MLXIPL: variants seen among roughly 807,000 people sequenced by gnomAD.
MLXIPL encodes the protein carbohydrate-responsive element-binding protein.
Under a neutral mutation model 81.5 loss-of-function variants are expected in MLXIPL, and 49 were observed. That is an observed-to-expected ratio of 0.60 (90% CI 0.48 to 0.76). The LOEUF is 0.76. Among genes scored for constraint, MLXIPL ranks in the 30% least tolerant of loss-of-function variants. The probability of loss-of-function intolerance (pLI) is 0.00; values close to 1 mark genes in which losing one functional copy is unlikely to be tolerated. For missense variants in MLXIPL, 1,053 were observed against 1,167.0 expected, an observed-to-expected ratio of 0.90 and a Z score of 1.42; for synonymous variants, 466 against 485.5, an observed-to-expected ratio of 0.96 and a Z score of 0.53.
the MLXIPL span, among the ~76,000 whole-genome samples, chr7:73,630,219 G>C: frequency 6.7e-6 from 1 of 149,962 alleles, no homozygotes; most frequent in African/African-American, 2.5e-5. Context: ...GGAAGGTCTC[G>C]ATCTCTTGAC....
upstream of MLXIPL, among the ~76,000 whole-genome samples, chr7:73,629,119 T>C (rs1554604147): frequency 1.3e-5 from 2 of 151,850 alleles, no homozygotes; most frequent in Non-Finnish European, 2.9e-5. Context: ...CTCAGCTCAC[T>C]GCAACCTCCA....
chr7:73,625,474 T>G (rs1796686821), upstream of MLXIPL, among the ~76,000 whole-genome samples: 1 of 152,090 alleles, frequency 6.6e-6, no homozygotes, highest in African/African-American at 2.4e-5. Flanking sequence ...GCCAACACGG[T>G]GGCCGGGCGC....
At chr7:73,613,049 G>A (rs1211456473) in intron 2 of MLXIPL, among the ~76,000 whole-genome samples, 1 of 152,208 alleles carries the variant, frequency 6.6e-6, no homozygotes, top group African/African-American at 2.4e-5. Context: ...TGTTGGATCA[G>A]GAAAGGAAGA....
In MLXIPL at chr7:73,605,944, G is replaced by A. The variant is rs782546120; in HGVS notation, c.786C>T (p.Ser262=). 15 of 1,595,674 alleles carry A rather than the reference G, an allele frequency of 9.4e-6. No homozygotes were observed. Among genetic ancestry groups the A allele is most frequent in the East Asian group, 4.5e-5 (2 of 44,256 alleles). The change falls in exon 6 of 17, where the codon TCC becomes TCT. Residue 262 remains serine, a synonymous_variant. Coordinates refer to ENST00000313375, the MANE Select transcript of MLXIPL (RefSeq NM_032951.3). ...GCGGCAGCTGCAGGGGCGAAGGGCCGGACTGAGTCATGGTGAAGAGAGTGT... is the reference window on the plus strand; with the variant it reads ...GCGGCAGCTGCAGGGGCGAAGGGCCAGACTGAGTCATGGTGAAGAGAGTGT... The part of the protein sequence containing the change: ...ISDTLFTMTQ[S]GPSPLQLPPE...
At chr7:73,599,868 C>T (rs369728586) in intron 7 of MLXIPL, among the ~76,000 whole-genome samples, 173 bp from the exon 8 acceptor site, 134 of 151,968 alleles carry the variant, frequency 8.8e-4, no homozygotes, top group African/African-American at 3.1e-3. Context: ...GTTTCTGTCT[C>T]GATTAGGGGA....
chr7:73,631,261 C>T, the MLXIPL span, among the ~76,000 whole-genome samples: 2 of 151,828 alleles, frequency 1.3e-5, no homozygotes, highest in African/African-American at 2.4e-5. Flanking sequence ...CTGCCTGCCT[C>T]GGCTCGGCCT....
Position 73,624,300 on chromosome 7 carries a change from G to A in MLXIPL, c.193C>T (p.Arg65Trp). Reference protein sequence around the residue: ...SSPHSDSLPRRRDQEGSVGPS... With the variant: ...SSPHSDSLPRWRDQEGSVGPS... ...CCCACGGACCCCTCCTGGTCGCGCCGCCGGGGCAGCGAGTCGCTGTGCGGC... is the reference window on the plus strand; with the variant it reads ...CCCACGGACCCCTCCTGGTCGCGCCACCGGGGCAGCGAGTCGCTGTGCGGC... Residue 65 changes from arginine to tryptophan, a missense_variant, in exon 1 of 17, where the codon CGG (arginine) becomes TGG (tryptophan). Coordinates refer to ENST00000313375, the MANE Select transcript of MLXIPL (RefSeq NM_032951.3). 2 of 1,585,920 alleles carry A rather than the reference G, an allele frequency of 1.3e-6. No homozygotes were observed. The highest frequency in any genetic ancestry group is 1.7e-6 in the Non-Finnish European group (2 of 1,167,964).
chr7:73,625,745 A>C (rs373714794), upstream of MLXIPL, among the ~76,000 whole-genome samples: 23 of 152,244 alleles, frequency 1.5e-4, no homozygotes, highest in East Asian at 2.9e-3. Flanking sequence ...CCTGGGCAAC[A>C]GTGAAATCCT....
chr7:73,635,296 T>C, the MLXIPL span, among the ~76,000 whole-genome samples: 3 of 151,664 alleles, frequency 2.0e-5, no homozygotes, highest in Non-Finnish European at 2.9e-5. Context: ...GAGGAGGAGG[T>C]AGAGAAAGAG....
At chr7:73,619,272 C>G (rs766992165) in intron 1 of MLXIPL, among the ~76,000 whole-genome samples, 1 of 151,700 alleles carries the variant, frequency 6.6e-6, no homozygotes. Flanking sequence ...ATCAGCCTGG[C>G]TAACAACGTG....
chr7:73,641,812 T>C, the MLXIPL span, among the ~76,000 whole-genome samples: 1 of 152,036 alleles, frequency 6.6e-6, no homozygotes, highest in Non-Finnish European at 1.5e-5. Context: ...ATTTTTGTAT[T>C]TTTAGTAGAG....
At chr7:73,616,259 A>G in intron 1 of MLXIPL, 82 bp from the exon 2 acceptor site, 1 of 1,242,656 alleles carries the variant, frequency 8.0e-7, no homozygotes, top group South Asian at 1.2e-5. Flanking sequence ...TGCACTAGGC[A>G]TCCATCTATG....
chr7:73,622,582 T>C (rs1174137666), intron 1 of MLXIPL, among the ~76,000 whole-genome samples: 1 of 151,908 alleles, frequency 6.6e-6, no homozygotes, highest in African/African-American at 2.4e-5. Flanking sequence ...AAGCAATCCT[T>C]GGATGAGAAC....
At chr7:73,626,865 A>C (rs1455091800), upstream of MLXIPL, among the ~76,000 whole-genome samples, 1 of 152,126 alleles carries the variant, frequency 6.6e-6, no homozygotes, top group Non-Finnish European at 1.5e-5. Context: ...GTGGTTTCCC[A>C]TGTGTGGCAG....
Position 73,593,741 on chromosome 7 carries a change from C to G in MLXIPL, c.*124G>C, listed in dbSNP as rs1446836221. ...TGTGAAACCTGGACCCTGCTCCACC[C>G]CCCAGGGAAGGGCAGAGCCAGGGCC... is the stretch of plus-strand genomic sequence containing the variant. On this transcript the variant is annotated 3_prime_UTR_variant, in exon 17 of 17. Coordinates refer to ENST00000313375, the MANE Select transcript of MLXIPL (RefSeq NM_032951.3). 3 of 895,182 alleles carry G rather than the reference C, an allele frequency of 3.4e-6. No homozygotes were observed. Among genetic ancestry groups the G allele is most frequent in the Non-Finnish European group, 5.6e-6 (3 of 536,660 alleles). 55.5% of individuals were successfully genotyped at this position (895,182 alleles called of 1,614,324 possible). A position where few individuals can be genotyped will look rare whatever the true frequency, so the allele number is the denominator to read the frequency against.
At position 73,624,450 on chromosome 7, in the gene MLXIPL, G is replaced by A; in HGVS notation, c.43C>T (p.Pro15Ser). Residue 15 changes from proline (P) to serine (S), a missense_variant, in exon 1 of 17, where the codon CCG (proline) becomes TCG (serine). Pro to Ser is a moderately conservative substitution (Grantham distance 74, BLOSUM62 -1). This residue lies in a region of MLXIPL where 226 missense variants were observed against 216.2 expected (regional missense o/e 1.05). Coordinates refer to ENST00000313375, the MANE Select transcript of MLXIPL (RefSeq NM_032951.3). ...LAGLAAGLQV[P>S]RVAPSPDSDS... Reference sequence around the variant, plus strand: ...GAGTCTGGGCTGGGCGCGACCCGCGGGACCTGCAAGCCCGCGGCCAGACCT... The same window carrying A: ...GAGTCTGGGCTGGGCGCGACCCGCGAGACCTGCAAGCCCGCGGCCAGACCT... The A allele has an allele frequency of 6.4e-7, 1 of 1,552,978 alleles. No individual in the cohort carries two copies. Among genetic ancestry groups the A allele is most frequent in the Non-Finnish European group, 8.6e-7 (1 of 1,157,310 alleles).
In MLXIPL at chr7:73,616,180, G is replaced by T. The variant is rs1795997701; in HGVS notation, c.294-3C>A. The T allele has an allele frequency of 6.2e-7, 1 of 1,611,548 alleles. No homozygotes were observed. Among genetic ancestry groups the T allele is most frequent in the Non-Finnish European group, 8.5e-7 (1 of 1,177,680 alleles). ...ACTTGGGAGACACCAGCTTGCCACTGTCAAAGGGGAGAGGAGTAGGGTTAG... is the reference window on the plus strand; with the variant it reads ...ACTTGGGAGACACCAGCTTGCCACTTTCAAAGGGGAGAGGAGTAGGGTTAG... On this transcript the variant is annotated splice_region_variant and splice_polypyrimidine_tract_variant and intron_variant, in intron 1 of 16. Coordinates refer to ENST00000313375, the MANE Select transcript of MLXIPL (RefSeq NM_032951.3).
chr7:73,613,174 GC>G (rs1447829960), intron 2 of MLXIPL, among the ~76,000 whole-genome samples: 2 of 152,182 alleles, frequency 1.3e-5, no homozygotes, highest in African/African-American at 4.8e-5. Flanking sequence ...CTCCCGTGAA[GC>G]CCACCTTCAA....
rs782130144 is a variant in MLXIPL, at chr7:73,595,666, G to T, written c.2281C>A (p.Arg761Ser). 1.4e-5 allele frequency: 22 copies of T among 1,614,150 alleles called. No homozygotes were observed. Among genetic ancestry groups the T allele is most frequent in the Non-Finnish European group, 1.8e-5 (21 of 1,180,016 alleles). The change falls in exon 15 of 17, where the codon CGT becomes AGT. Residue 761 changes from arginine (R) to serine (S), a missense_variant. Coordinates refer to ENST00000313375, the MANE Select transcript of MLXIPL (RefSeq NM_032951.3). ...CAGAACTTCCAGTTGTGCAGCGTACGGGTTCGGACGTAGTCATCAAACATG... is the reference window on the plus strand; with the variant it reads ...CAGAACTTCCAGTTGTGCAGCGTACTGGTTCGGACGTAGTCATCAAACATG... ...RDMFDDYVRT[R>S]TLHNWKFWVF...
Sources: allele counts gnomAD v4.1 joint callset (sites outside exome capture counted in the v4.1 genomes callset), GRCh38; gene constraint gnomAD v4.1.1; regional missense constraint gnomAD v4.1.1; transcripts MANE v1.5; gene names NCBI Gene and HGNC (gene_info 2026-07-23, HGNC 2026-07-21).